The following CDH3 variants were observed in gnomAD, a reference collection of about 807,000 sequenced individuals.
The protein encoded by CDH3 is cadherin-3.
A neutral mutation model predicts 82.0 loss-of-function variants in CDH3; 54 were observed. That is an observed-to-expected ratio of 0.66 (90% CI 0.53 to 0.83). The LOEUF (loss-of-function observed/expected upper bound fraction) is 0.83. Among genes scored for constraint, CDH3 ranks in the 40% least tolerant of loss-of-function variants. The pLI, the probability that CDH3 is intolerant of heterozygous loss-of-function variation, is 0.00. For missense variants in CDH3, 1,054 were observed against 1,084.6 expected (o/e 0.97, Z 0.40); for synonymous variants, 446 against 437.9 (o/e 1.02, Z -0.23).
chr16:68,719,547 ACCCAGGCTGGAGTGCAGT>A (rs1962138567), intron 1 of CDH3, among the ~76,000 whole-genome samples: 1 of 121,884 alleles, frequency 8.2e-6, no homozygotes, highest in Admixed American at 1.2e-4. Context: ...TCGCTCTGTC[ACCCAGGCTGGAGTGCAGT>A]GGCGCCATCT....
chr16:68,657,513 CAA>C (rs1567438708), intron 2 of CDH3, among the ~76,000 whole-genome samples: 2 of 152,236 alleles, frequency 1.3e-5, no homozygotes, highest in South Asian at 4.1e-4. Context: ...GACTCTGTCT[CAA>C]AAAGCCAAAC....
rs560864939 is a variant in CDH3, at chr16:68,707,286, G to C, written c.99+11363G>C. Reference sequence around the variant, plus strand: ...AGATGAGGTTGGACAGGTAAGGAGCGGGGGGCCAAGGCGCCCAGTCCTGGG... The same window carrying C: ...AGATGAGGTTGGACAGGTAAGGAGCCGGGGGCCAAGGCGCCCAGTCCTGGG... On this transcript the variant is annotated intron_variant, in intron 1 of 2. Coordinates refer to the CDH3 transcript ENST00000569080. The surrounding 1 kb of genome is among the most constrained non-coding windows in gnomAD (Gnocchi z 4.5). Among the ~76,000 whole-genome samples the C allele has an allele frequency of 2.6e-5, 4 of 152,190 alleles. No homozygotes were observed. Among genetic ancestry groups the C allele is most frequent in the African/African-American group, 7.2e-5 (3 of 41,446 alleles).
At chr16:68,681,681 T>C (rs1290651318) in intron 8 of CDH3, among the ~76,000 whole-genome samples, 1 of 151,940 alleles carries the variant, frequency 6.6e-6, no homozygotes, top group Non-Finnish European at 1.5e-5. Flanking sequence ...CTACTAAAAA[T>C]ACAAAAATTA....
intron 4 of CDH3, 66 bp from the exon 5 acceptor site, chr16:68,678,435 A>G (rs1049166497): frequency 5.6e-6 from 9 of 1,605,546 alleles, no homozygotes; most frequent in Admixed American, 1.7e-5. Context: ...CTCTTCACAG[A>G]GGACTCTTTG....
At chr16:68,725,623 G>A (rs1392567576) in intron 2 of CDH3, among the ~76,000 whole-genome samples, 4 of 152,106 alleles carry the variant, frequency 2.6e-5, no homozygotes, top group East Asian at 1.9e-4. Context: ...GTGAGCCACC[G>A]CGCCCGGCCC....
At position 68,686,402 on chromosome 16, in the gene CDH3, G is replaced by C; in HGVS notation, c.1570+1052G>C. The C allele has an allele frequency of 8.9e-6, 12 of 1,351,726 alleles. No individual in the cohort carries two copies. The South Asian group carries it at 1.1e-4, about 12-fold the overall frequency. The allele number at this position is 1,351,726 out of a possible 1,614,324, so 83.7% of individuals were successfully genotyped here. On this transcript the variant is annotated intron_variant, in intron 11 of 15. Coordinates refer to ENST00000264012, the MANE Select transcript of CDH3 (RefSeq NM_001793.6). ...TCATGGCAGGACAAGCATTTAGAAA[G>C]TTTCTTCCACTCTTTGACCGAGTAT... is the stretch of plus-strand genomic sequence containing the variant.
chr16:68,675,902 G>T (rs755989627), intron 2 of CDH3, among the ~76,000 whole-genome samples: 1 of 152,142 alleles, frequency 6.6e-6, no homozygotes, highest in Non-Finnish European at 1.5e-5. Flanking sequence ...TTACTAACTC[G>T]GAGTGCTTGT....
intron 2 of CDH3, among the ~76,000 whole-genome samples, chr16:68,670,155 C>T (rs1468940394): frequency 2.8e-5 from 4 of 141,016 alleles, no homozygotes; most frequent in East Asian, 2.1e-4. Flanking sequence ...ACCTAGAAGG[C>T]GGAGCTTGCA....
chr16:68,727,942 A>G (rs1385587533), downstream of CDH3, among the ~76,000 whole-genome samples: 1 of 152,060 alleles, frequency 6.6e-6, no homozygotes, highest in African/African-American at 2.4e-5. Context: ...CAAAATCTGT[A>G]CAATGTATGT....
chr16:68,651,597 A>G, intron 2 of CDH3: 1 of 505,314 alleles, frequency 2.0e-6, no homozygotes, highest in South Asian at 1.6e-5. Flanking sequence ...AGACACCTGC[A>G]CCTGCATCAT....
At chr16:68,696,057 T>C in intron 15 of CDH3, 134 bp downstream of exon 15, 1 of 908,348 alleles carries the variant, frequency 1.1e-6, no homozygotes, top group South Asian at 1.4e-5. Context: ...GCTTTTGACC[T>C]CTGGCTTATT....
chr16:68,662,612 A>C lies in CDH3; in HGVS notation c.161-13773A>C, dbSNP rs929167335. 6.7e-5 allele frequency among the ~76,000 whole-genome samples: 9 copies of C among 134,498 alleles called. No individual in the cohort carries two copies. In the Admixed American group the frequency reaches 7.7e-4, roughly 11 times the overall value. 88.2% of individuals were successfully genotyped at this position (134,498 alleles called of 152,430 possible). On this transcript the variant is annotated intron_variant, in intron 2 of 15. Transcript: ENST00000264012. ...GCCCAGGCTAGAGTGCGGTGGCACG[A>C]TCTCACTGCAAGAAGCTCCACCTCC...
At chr16:68,671,911 A>G (rs1402269099) in intron 2 of CDH3, among the ~76,000 whole-genome samples, 1 of 152,202 alleles carries the variant, frequency 6.6e-6, no homozygotes, top group Non-Finnish European at 1.5e-5. Flanking sequence ...CTTCAACATA[A>G]GAATTTTGGA....
At chr16:68,654,119 G>T (rs1278656983) in intron 2 of CDH3, among the ~76,000 whole-genome samples, 2 of 149,742 alleles carry the variant, frequency 1.3e-5, no homozygotes, top group African/African-American at 4.9e-5. Context: ...GGGTGCAGTG[G>T]CACAATCTCG....
Position 68,675,006 on chromosome 16 carries a change from G to A in CDH3, c.161-1379G>A, listed in dbSNP as rs146266888. Among the ~76,000 whole-genome samples the A allele has an allele frequency of 3.9e-5, 6 of 151,918 alleles. No homozygotes were observed. In the East Asian group the frequency reaches 9.7e-4, roughly 25 times the overall value. ...TGCGTGCCTATAGTCTCAGCTAGTCGGGAGGCTGAGGCAGAAGAATCACTT... is the reference window on the plus strand; with the variant it reads ...TGCGTGCCTATAGTCTCAGCTAGTCAGGAGGCTGAGGCAGAAGAATCACTT... On this transcript the variant is annotated intron_variant, in intron 2 of 15. Coordinates refer to ENST00000264012, the MANE Select transcript of CDH3 (RefSeq NM_001793.6).
At chr16:68,679,485 G>C (rs910860957) in intron 6 of CDH3, among the ~76,000 whole-genome samples, 1 of 152,046 alleles carries the variant, frequency 6.6e-6, no homozygotes, top group African/African-American at 2.4e-5. Flanking sequence ...TTGAGATCAG[G>C]AGTTTAAGAC....
At position 68,712,819 on chromosome 16, in the gene CDH3, T is replaced by C. The variant is rs571507244; in HGVS notation, c.100-9606T>C. 7.2e-5 allele frequency among the ~76,000 whole-genome samples: 11 copies of C among 152,184 alleles called. No homozygotes were observed. The South Asian group carries it at 2.3e-3, about 32-fold the overall frequency. ...GCCTCAGCCTCCCAAGTAGCTGGGA[T>C]TACAGGCCTGTGCCACCATGCCCAG... On this transcript the variant is annotated intron_variant, in intron 1 of 2. Coordinates refer to the CDH3 transcript ENST00000569080.
chr16:68,730,914 G>A (rs1311538104), downstream of CDH3, among the ~76,000 whole-genome samples: 1 of 148,878 alleles, frequency 6.7e-6, no homozygotes, highest in African/African-American at 2.5e-5. Flanking sequence ...CAGCTACTGA[G>A]GAGGCTGAGG....
At chr16:68,723,792 G>A (rs1206735584) in intron 2 of CDH3, among the ~76,000 whole-genome samples, 4 of 151,594 alleles carry the variant, frequency 2.6e-5, no homozygotes, top group African/African-American at 7.3e-5. Flanking sequence ...GTGTGAGGCC[G>A]GGCGCGGTGG....
Sources: gnomAD v4.1 joint callset for allele counts (sites outside exome capture counted in the v4.1 genomes callset) on GRCh38, gnomAD v4.1.1 for gene constraint, Gnocchi (gnomAD v3.1) non-coding constraint, MANE v1.5 for transcripts, NCBI Gene and HGNC (gene_info 2026-07-23, HGNC 2026-07-21) for gene names.